Variants in CYLC1 observed in about 807,000 individuals in gnomAD.
CYLC1 encodes cylicin 1.
A neutral mutation model predicts 31.6 loss-of-function variants in CYLC1; 2 were observed. That is an observed-to-expected ratio of 0.06 (90% CI 0.03 to 0.20). The LOEUF (loss-of-function observed/expected upper bound fraction) is 0.20. Ranked by LOEUF, CYLC1 falls within the 10% of genes least tolerant of loss-of-function variation. The probability of loss-of-function intolerance (pLI) is 1.00; values close to 1 mark genes in which losing one functional copy is unlikely to be tolerated. For missense variants in CYLC1, 595 were observed against 424.1 expected (o/e 1.40, Z -3.54); for synonymous variants, 185 against 153.0 (o/e 1.21, Z -1.54).
chrX:83,863,788 C>T (rs190249192), intron 1 of CYLC1, among the ~76,000 whole-genome samples: 12 of 111,860 alleles, frequency 1.1e-4, no homozygotes, highest in African/African-American at 3.9e-4. Flanking sequence ...CTGCATTTAA[C>T]TCCTCTAACT....
Position 83,873,843 on chromosome X carries a change from G to C in CYLC1, c.1135G>C (p.Asp379His). The change falls in exon 4 of 5, where the codon GAT becomes CAT. Residue 379 changes from aspartate (D) to histidine (H), a missense_variant. Transcript: ENST00000329312. ...TGATACTGAATCAGGAGATGCAAAG[G>C]ATGCAAGAAATGATTCAAGAAATTT... ...STDTESGDAK[D>H]ARNDSRNLKK... The C allele has an allele frequency of 1.7e-6, 2 of 1,190,871 alleles. No individual in the cohort carries two copies. Among genetic ancestry groups the C allele is most frequent in the Non-Finnish European group, 1.1e-6 (1 of 879,780 alleles).
intron 1 of CYLC1, 105 bp downstream of exon 1, chrX:83,861,304 G>A (rs752358799): frequency 2.0e-4 from 115 of 565,194 alleles, no homozygotes; most frequent in Non-Finnish European, 2.9e-4. Flanking sequence ...TTTCATAGTC[G>A]TTTTATTTAT....
Position 83,871,531 on chromosome X carries a change from T to A in CYLC1, c.138T>A (p.Asn46Lys). The A allele has an allele frequency of 8.3e-7, 1 of 1,201,910 alleles. No individual in the cohort carries two copies. The highest frequency in any genetic ancestry group is 1.1e-6 in the Non-Finnish European group (1 of 890,826). ...TFPKPLQRGT[N>K]DKSRPLKSQI... Reference sequence around the variant, plus strand: ...CCAAACCACTCCAGAGAGGTACAAATGATAAATCAAGACCTTTGAAATCAC... The same window carrying A: ...CCAAACCACTCCAGAGAGGTACAAAAGATAAATCAAGACCTTTGAAATCAC... The change falls in exon 3 of 5, where the codon AAT becomes AAA. Residue 46 changes from asparagine (N) to lysine (K), a missense_variant. Coordinates refer to ENST00000329312, the MANE Select transcript of CYLC1 (RefSeq NM_021118.3).
intron 4 of CYLC1, among the ~76,000 whole-genome samples, chrX:83,876,116 A>G (rs2031754342): frequency 9.0e-6 from 1 of 110,916 alleles, no homozygotes. Flanking sequence ...TTACATATGT[A>G]CATCAATTTA....
At chrX:83,862,094 A>T (rs1444462583) in intron 1 of CYLC1, among the ~76,000 whole-genome samples, 1 of 112,203 alleles carries the variant, frequency 8.9e-6, no homozygotes, top group Non-Finnish European at 1.9e-5. Context: ...TTTCACTCAG[A>T]AATTCAAATT....
chrX:83,885,500 T>C (rs1242399763), intron 4 of CYLC1, among the ~76,000 whole-genome samples: 1 of 109,366 alleles, frequency 9.1e-6, no homozygotes, highest in African/African-American at 3.3e-5. Flanking sequence ...GTATATTAAC[T>C]ATATCAATAC....
rs2031713169 is a variant in CYLC1 at position 83,873,732 on chromosome X, G to T, written c.1024G>T (p.Asp342Tyr). ...TGATGCTGAATCTGGAGACTCAAAG[G>T]ATGAAAGGAAAGATACAAAGAAGGA... ...STDAESGDSK[D>Y]ERKDTKKDKK... The change falls in exon 4 of 5, where the codon GAT (aspartate) becomes TAT (tyrosine). Residue 342 changes from aspartate (D) to tyrosine (Y), a missense_variant. Transcript: ENST00000329312. The T allele has an allele frequency of 3.9e-5, 46 of 1,187,638 alleles. No individual in the cohort carries two copies. The highest frequency in any genetic ancestry group is 5.0e-5 in the Non-Finnish European group (44 of 881,114).
chrX:83,872,718 T>TACAC (rs61531587), intron 3 of CYLC1, among the ~76,000 whole-genome samples, 168 bp from the exon 4 acceptor site: 1,317 of 92,028 alleles, frequency 0.014, 14 homozygotes, highest in South Asian at 0.049. Flanking sequence ...GTCTCTCTCT[T>TACAC]ACACACACAC....
chrX:83,878,019 AAT>A (rs1355260656), intron 4 of CYLC1, among the ~76,000 whole-genome samples: 1 of 67,417 alleles, frequency 1.5e-5, no homozygotes, highest in Non-Finnish European at 2.5e-5. Context: ...TATATATAAA[AAT>A]ATATATATTT....
chrX:83,881,055 A>G (rs1256236293), intron 4 of CYLC1, among the ~76,000 whole-genome samples: 1 of 111,348 alleles, frequency 9.0e-6, no homozygotes, highest in Non-Finnish European at 1.9e-5. Flanking sequence ...TCAAAAGAAG[A>G]CAGACTAAAT....
At chrX:83,885,464 G>A (rs996737843) in intron 4 of CYLC1, among the ~76,000 whole-genome samples, 3 of 108,924 alleles carry the variant, frequency 2.8e-5, no homozygotes, top group Non-Finnish European at 3.8e-5. Flanking sequence ...CTAGTAATGC[G>A]ACTATTATAT....
chrX:83,880,487 A>G (rs2031893175), intron 4 of CYLC1, among the ~76,000 whole-genome samples: 1 of 111,735 alleles, frequency 8.9e-6, no homozygotes, highest in South Asian at 3.7e-4. Context: ...TGCAAGTTGT[A>G]TAATCTAGTG....
chrX:83,883,986 T>A (rs2031948868), intron 4 of CYLC1, among the ~76,000 whole-genome samples: 1 of 111,539 alleles, frequency 9.0e-6, no homozygotes, highest in Non-Finnish European at 1.9e-5. Flanking sequence ...AAGTTTATAT[T>A]CAAAAATTAC....
Position 83,869,670 on chromosome X carries a change from A to T in CYLC1, c.18-195A>T, listed in dbSNP as rs980601129. On this transcript the variant is annotated intron_variant, in intron 1 of 4. Coordinates refer to ENST00000329312, the MANE Select transcript of CYLC1 (RefSeq NM_021118.3). ...TAAAAATGGAGATAAGAGAATGAAT[A>T]AAATTTTTTGAAGTGTTGCAATTGA... Among the ~76,000 whole-genome samples, 6 of 111,463 alleles carry T rather than the reference A, an allele frequency of 5.4e-5. No homozygotes were observed. The Admixed American group carries it at 5.8e-4, about 11-fold the overall frequency.
rs75721485 is a variant in CYLC1 at position 83,875,710 on chromosome X, G to C, written c.1923+1079G>C. Among the ~76,000 whole-genome samples, 150 of 111,502 alleles carry C rather than the reference G, an allele frequency of 1.3e-3. 2 individuals carry two copies. In the East Asian group the frequency reaches 0.04, roughly 30 times the overall value. On this transcript the variant is annotated intron_variant, in intron 4 of 4. Transcript: ENST00000329312. ...GAGGTTACAATTCAAGATGAGATTT[G>C]GGTGGGGACACAGCCAAACCATATC...
At chrX:83,869,671 A>C (rs1271059891) in intron 1 of CYLC1, among the ~76,000 whole-genome samples, 194 bp from the exon 2 acceptor site, 2 of 111,304 alleles carry the variant, frequency 1.8e-5, no homozygotes, top group Non-Finnish European at 3.8e-5. Context: ...AGAATGAATA[A>C]AATTTTTTGA....
chrX:83,862,976 C>T (rs1242314514), intron 1 of CYLC1, among the ~76,000 whole-genome samples: 3 of 111,468 alleles, frequency 2.7e-5, no homozygotes, highest in Admixed American at 9.5e-5. Flanking sequence ...TTTCTTACTT[C>T]CAAAAATAGC....
At position 83,873,216 on chromosome X, in the gene CYLC1, G is replaced by C; in HGVS notation, c.508G>C (p.Glu170Gln). The C allele has an allele frequency of 1.7e-6, 2 of 1,203,178 alleles. No homozygotes were observed. The highest frequency in any genetic ancestry group is 2.2e-6 in the Non-Finnish European group (2 of 891,286). The change falls in exon 4 of 5, where the codon GAA (glutamate) becomes CAA (glutamine). Residue 170 changes from glutamate to glutamine, a missense_variant. By Grantham distance (29) the Glu-to-Gln change is conservative (BLOSUM62 2). Transcript: ENST00000329312. ...KTPLKSSHEN[E>Q]QSKKSKSSSE... ...TCCCTTAAAATCATCACATGAAAAT[G>C]AACAATCCAAGAAGTCAAAATCCAG...
chrX:83,865,351 C>A (rs1160652409), intron 1 of CYLC1, among the ~76,000 whole-genome samples: 2 of 111,165 alleles, frequency 1.8e-5, no homozygotes, highest in East Asian at 5.7e-4. Flanking sequence ...AGTACATCAC[C>A]AAATCCTATA....
Sources: gnomAD v4.1 joint callset for allele counts (sites outside exome capture counted in the v4.1 genomes callset) on GRCh38, gnomAD v4.1.1 for gene constraint, MANE v1.5 for transcripts, NCBI Gene and HGNC (gene_info 2026-07-23, HGNC 2026-07-21) for gene names.